TBC1D5: variants seen among roughly 807,000 people sequenced by gnomAD.
TBC1D5 encodes TBC1 domain family member 5, also known as TBC1 domain family, member 5.
A neutral mutation model predicts 100.3 loss-of-function variants in TBC1D5; 75 were observed. That is an observed-to-expected ratio of 0.75 (90% CI 0.62 to 0.91). TBC1D5 has a LOEUF of 0.91. TBC1D5 is among the 40% of genes least tolerant of loss of function. The pLI is 0.00. For synonymous variants in TBC1D5, 323 were observed against 325.6 expected (o/e 0.99, Z 0.09); for missense variants, 910 against 942.4 (o/e 0.97, Z 0.45).
chr3:17,187,201 G>A (rs751647163), intron 18 of TBC1D5, among the ~76,000 whole-genome samples: 1 of 152,144 alleles, frequency 6.6e-6, no homozygotes, highest in Non-Finnish European at 1.5e-5. Flanking sequence ...CATTCATTAC[G>A]AGGTAGTATG....
In TBC1D5 at chr3:17,403,212, G is replaced by A. The variant is rs1259659894; in HGVS notation, c.478C>T (p.Arg160Ter). 3 of 1,591,488 alleles carry A rather than the reference G, an allele frequency of 1.9e-6. No individual in the cohort carries two copies. Among genetic ancestry groups the A allele is most frequent in the South Asian group, 1.1e-5 (1 of 88,446 alleles). The change falls in exon 8 of 22, where the codon CGA becomes TGA. Residue 160 changes from arginine (R) to a stop codon, truncating the protein, a stop_gained. Coordinates refer to ENST00000253692, the Ensembl canonical transcript of TBC1D5. LOFTEE classifies it high-confidence loss of function. ...TTGACATCTTGTTCAATCATTGATC[G>A]AAGTTCTTTATCTTGGAAGAATTTG...
chr3:17,344,840 G>A (rs1485461855), intron 13 of TBC1D5, among the ~76,000 whole-genome samples: 1 of 152,138 alleles, frequency 6.6e-6, no homozygotes, highest in Non-Finnish European at 1.5e-5. Context: ...TTAATAAATG[G>A]TGCTGGGAAA....
chr3:17,407,336 C>G (rs571961175), intron 4 of TBC1D5, among the ~76,000 whole-genome samples: 1 of 152,246 alleles, frequency 6.6e-6, no homozygotes. Context: ...TTCCCTGCAT[C>G]TTGCACCAAA....
intron 13 of TBC1D5, among the ~76,000 whole-genome samples, chr3:17,308,738 A>G: frequency 6.6e-6 from 1 of 152,174 alleles, no homozygotes; most frequent in East Asian, 1.9e-4. Flanking sequence ...TGCAACAGAT[A>G]TACCTGATCA....
intron 2 of TBC1D5, among the ~76,000 whole-genome samples, chr3:17,619,942 A>T (rs1362378471): frequency 6.6e-6 from 1 of 152,228 alleles, no homozygotes; most frequent in Non-Finnish European, 1.5e-5. Context: ...GATGAATGCA[A>T]ATTAAATGTA....
chr3:17,387,577 G>T (rs1240475690), intron 8 of TBC1D5, among the ~76,000 whole-genome samples: 1 of 151,810 alleles, frequency 6.6e-6, no homozygotes, highest in Non-Finnish European at 1.5e-5. Flanking sequence ...AGCATTTCTA[G>T]GAATAGTAAT....
intron 1 of TBC1D5, among the ~76,000 whole-genome samples, chr3:17,639,398 TAAG>T (rs2064283271): frequency 6.6e-6 from 1 of 150,934 alleles, no homozygotes; most frequent in Admixed American, 6.6e-5. Context: ...TTAATGTACA[TAAG>T]AAATCACAGT....
At chr3:17,290,213 C>T (rs1221258553) in intron 15 of TBC1D5, among the ~76,000 whole-genome samples, 1 of 152,038 alleles carries the variant, frequency 6.6e-6, no homozygotes, top group Non-Finnish European at 1.5e-5. Context: ...TCTCTTAAAC[C>T]TTAAAGAATC....
At chr3:17,340,138 G>A (rs2088633284) in intron 13 of TBC1D5, among the ~76,000 whole-genome samples, 1 of 152,096 alleles carries the variant, frequency 6.6e-6, no homozygotes, top group South Asian at 2.1e-4. Context: ...GACGGGTACT[G>A]GGGGGTAAAG....
At chr3:17,647,835 G>GT (rs2065153907) in intron 1 of TBC1D5, among the ~76,000 whole-genome samples, 1 of 152,152 alleles carries the variant, frequency 6.6e-6, no homozygotes, top group Non-Finnish European at 1.5e-5. Flanking sequence ...AATCTGTGGA[G>GT]TAAGGAAGCT....
chr3:17,464,518 T>A (rs1272245299), intron 3 of TBC1D5, among the ~76,000 whole-genome samples: 1 of 152,156 alleles, frequency 6.6e-6, no homozygotes, highest in Non-Finnish European at 1.5e-5. Flanking sequence ...AAATCTTTCC[T>A]CATTGATTCC....
At chr3:17,421,056 G>A (rs985965383) in intron 4 of TBC1D5, among the ~76,000 whole-genome samples, 18 of 152,190 alleles carry the variant, frequency 1.2e-4, no homozygotes, top group Non-Finnish European at 2.9e-5. Flanking sequence ...GGCTGTGAAT[G>A]CAAACAAATC....
intron 13 of TBC1D5, among the ~76,000 whole-genome samples, chr3:17,352,696 A>AAAAAAC (rs2090765242): frequency 6.6e-6 from 1 of 150,876 alleles, no homozygotes; most frequent in African/African-American, 2.4e-5. Flanking sequence ...AAAAAAAAAA[A>AAAAAAC]AAACAAAAAA....
At position 17,322,341 on chromosome 3, in the gene TBC1D5, T is replaced by C. The variant is rs74510189; in HGVS notation, c.996-14207A>G. ...GTGATTTTCTTGTAATAGAATAGGG[T>C]TGACTTTATTTTATTTTTAAAAATA... is the stretch of plus-strand genomic sequence containing the variant. On this transcript the variant is annotated intron_variant, in intron 13 of 21. Transcript: ENST00000253692. 3.4e-3 allele frequency among the ~76,000 whole-genome samples: 521 copies of C among 152,346 alleles called. 2 individuals carry two copies. Among genetic ancestry groups the C allele is most frequent in the African/African-American group, 0.012 (507 of 41,580 alleles).
intron 2 of TBC1D5, among the ~76,000 whole-genome samples, chr3:17,612,121 G>A (rs1198941702): frequency 6.6e-6 from 1 of 151,862 alleles, no homozygotes; most frequent in Non-Finnish European, 1.5e-5. Context: ...GTAACATGGT[G>A]AAACGCCTTA....
intron 9 of TBC1D5, among the ~76,000 whole-genome samples, chr3:17,377,077 G>A (rs2092738975): frequency 6.6e-6 from 1 of 152,036 alleles, no homozygotes; most frequent in South Asian, 2.1e-4. Flanking sequence ...GTAGATTTAG[G>A]AAGTGCTGAA....
At position 17,349,418 on chromosome 3, in the gene TBC1D5, T is replaced by C. The variant is rs568655208; in HGVS notation, c.995+22657A>G. 1.7e-3 allele frequency among the ~76,000 whole-genome samples: 254 copies of C among 152,330 alleles called. 2 individuals carry two copies. The Middle Eastern group carries it at 0.024, about 14-fold the overall frequency. ...CATTATTCTGAAAACCAGTTGTGTG[T>C]ATGATTTTTCTGTTTAAAATAACTA... is the stretch of plus-strand genomic sequence containing the variant. On this transcript the variant is annotated intron_variant, in intron 13 of 21. Coordinates refer to ENST00000253692, the Ensembl canonical transcript of TBC1D5.
chr3:17,413,232 T>C (rs527997408), intron 4 of TBC1D5, among the ~76,000 whole-genome samples: 2 of 152,206 alleles, frequency 1.3e-5, no homozygotes, highest in East Asian at 1.9e-4. Flanking sequence ...CCAATGTTAA[T>C]AGATCAGTAC....
At chr3:17,711,687 CAT>C (rs1313611027) in intron 1 of TBC1D5, among the ~76,000 whole-genome samples, 1 of 152,146 alleles carries the variant, frequency 6.6e-6, no homozygotes, top group East Asian at 1.9e-4. Flanking sequence ...AATGTGTACA[CAT>C]GTGGCTTTAG....
Sources: gnomAD v4.1 joint callset for allele counts (sites outside exome capture counted in the v4.1 genomes callset) on GRCh38, gnomAD v4.1.1 for gene constraint, MANE v1.5 for transcripts, NCBI Gene and HGNC (gene_info 2026-07-23, HGNC 2026-07-21) for gene names.